HIVEP1: variants seen among roughly 807,000 people sequenced by gnomAD.
The protein encoded by HIVEP1 is zinc finger protein 40.
Under a neutral mutation model 180.0 loss-of-function variants are expected in HIVEP1, and 36 were observed. That is an observed-to-expected ratio of 0.20 (90% CI 0.15 to 0.26). The LOEUF is 0.26. HIVEP1 is among the 10% of genes least tolerant of loss of function. HIVEP1 has a pLI of 1.00. For missense variants in HIVEP1, 3,143 were observed against 3,268.7 expected (o/e 0.96, Z 0.94); for synonymous variants, 1,239 against 1,239.0 (o/e 1.00, Z 0.00).
At chr6:12,046,493 G>A (rs886896704) in intron 2 of HIVEP1, among the ~76,000 whole-genome samples, 1 of 152,116 alleles carries the variant, frequency 6.6e-6, no homozygotes, top group Admixed American at 6.5e-5. Flanking sequence ...AGAATCCTGG[G>A]TTGCTGGCCA....
intron 3 of HIVEP1, among the ~76,000 whole-genome samples, chr6:12,097,086 T>G (rs1002475679): frequency 6.6e-6 from 1 of 152,084 alleles, no homozygotes; most frequent in Non-Finnish European, 1.5e-5. Context: ...GAATGCAGTT[T>G]TATTATTTTA....
chr6:12,155,902 C>T (rs1450685488), intron 7 of HIVEP1, among the ~76,000 whole-genome samples: 1 of 152,146 alleles, frequency 6.6e-6, no homozygotes, highest in Non-Finnish European at 1.5e-5. Context: ...TCTCTGCAAC[C>T]TCTCCAGCAT....
chr6:12,093,042 A>AT (rs1036759440), intron 3 of HIVEP1, among the ~76,000 whole-genome samples: 11 of 152,096 alleles, frequency 7.2e-5, no homozygotes, highest in Non-Finnish European at 1.5e-4. Flanking sequence ...AAAAGTAGCT[A>AT]TTTTTTACAA....
At chr6:12,011,165 G>GC (rs1263492935), upstream of HIVEP1, among the ~76,000 whole-genome samples, 1 of 151,662 alleles carries the variant, frequency 6.6e-6, no homozygotes, top group East Asian at 1.9e-4. Context: ...CCAACACCCT[G>GC]CCCCCTCCGT....
chr6:12,041,853 T>A (rs112286083), intron 2 of HIVEP1, among the ~76,000 whole-genome samples: 50 of 47,008 alleles, frequency 1.1e-3, no homozygotes, highest in African/African-American at 4.6e-3. Flanking sequence ...TAGAAACGGG[T>A]TTTCACCGTG....
intron 8 of HIVEP1, among the ~76,000 whole-genome samples, chr6:12,162,875 A>G (rs1760492526): frequency 6.6e-6 from 1 of 152,182 alleles, no homozygotes; most frequent in Non-Finnish European, 1.5e-5. Flanking sequence ...CTTGAATCTC[A>G]ATTTCTCAGT....
At chr6:12,193,354 A>G in the HIVEP1 span, among the ~76,000 whole-genome samples, 2 of 152,208 alleles carry the variant, frequency 1.3e-5, no homozygotes, top group Non-Finnish European at 2.9e-5. Flanking sequence ...ATCACTGATA[A>G]TTTCTCTAGG....
the HIVEP1 span, among the ~76,000 whole-genome samples, chr6:12,190,387 C>G: frequency 2.0e-5 from 3 of 152,256 alleles, no homozygotes; most frequent in Non-Finnish European, 4.4e-5. Flanking sequence ...GGCTCATTCC[C>G]GTTTCTTAAA....
intron 2 of HIVEP1, among the ~76,000 whole-genome samples, chr6:12,088,518 C>G (rs898598372): frequency 3.3e-5 from 5 of 152,084 alleles, no homozygotes; most frequent in South Asian, 2.1e-4. Flanking sequence ...AGCCCCAGGT[C>G]AAAGAACAGC....
rs180777838 is a variant in HIVEP1 at position 12,077,171 on chromosome 6, A to G, written c.41-12013A>G. Reference sequence around the variant, plus strand: ...CTCAATTATAACTGGATTATGTAACAAAAATTCAGTTTTAAATCTGTGGTT... The same window carrying G: ...CTCAATTATAACTGGATTATGTAACGAAAATTCAGTTTTAAATCTGTGGTT... On this transcript the variant is annotated intron_variant, in intron 2 of 8. Transcript: ENST00000379388. 1.4e-3 allele frequency among the ~76,000 whole-genome samples: 218 copies of G among 152,294 alleles called. 1 individual carries two copies. Among genetic ancestry groups the G allele is most frequent in the African/African-American group, 4.9e-3 (205 of 41,578 alleles).
At position 12,123,031 on chromosome 6, in the gene HIVEP1, G is replaced by T; in HGVS notation, c.3236G>T (p.Ser1079Ile). Residue 1079 changes from serine (S) to isoleucine (I), a missense_variant, in exon 4 of 9, where the codon AGT becomes ATT. By Grantham distance (142) the Ser-to-Ile change is moderately radical. This residue lies in a region of HIVEP1 where 1,357 missense variants were observed against 1,260.5 expected (regional missense o/e 1.08). Transcript: ENST00000379388. ...CCTAAACATAATGTTACCATAAGAA[G>T]TGACCAGCAGCATAAAAATATACAG... The part of the protein sequence containing the change: ...SLPKHNVTIR[S>I]DQQHKNIQLQ... The T allele has an allele frequency of 6.2e-7, 1 of 1,614,148 alleles. No homozygotes were observed.
chr6:12,149,206 C>T (rs1394104901), intron 7 of HIVEP1, among the ~76,000 whole-genome samples: 2 of 152,160 alleles, frequency 1.3e-5, no homozygotes, highest in Non-Finnish European at 2.9e-5. Context: ...TATTTAAGAA[C>T]ATGCCTTATA....
At chr6:12,013,469 A>G (rs1014471558) in intron 1 of HIVEP1, among the ~76,000 whole-genome samples, 2 of 152,194 alleles carry the variant, frequency 1.3e-5, no homozygotes, top group African/African-American at 4.8e-5. Context: ...TATGGGATGG[A>G]CAGCTAGGGA....
At position 12,120,247 on chromosome 6, in the gene HIVEP1, C is replaced by A. The variant is rs756252106; in HGVS notation, c.452C>A (p.Ala151Asp). 1 of 1,614,186 alleles carries A rather than the reference C, an allele frequency of 6.2e-7. No homozygotes were observed. The highest frequency in any genetic ancestry group is 1.1e-5 in the South Asian group (1 of 91,086). The change falls in exon 4 of 9, where the codon GCT becomes GAT. Residue 151 changes from alanine to aspartate, a missense_variant. Transcript: ENST00000379388. Reference protein sequence around the residue: ...SELRRWRSEGADPAKFSDLDE... With the variant: ...SELRRWRSEGDDPAKFSDLDE... ...CTGCGTAGATGGAGATCCGAAGGCG[C>A]TGATCCTGCCAAATTCAGTGACCTC...
chr6:12,054,597 A>G (rs9885932), intron 2 of HIVEP1, among the ~76,000 whole-genome samples: 35,893 of 152,164 alleles, frequency 0.24, 4,508 homozygotes, highest in African/African-American at 0.34. Context: ...TTTCGGTGTC[A>G]TTAAAATTCC....
chr6:12,199,088 A>G, the HIVEP1 span, among the ~76,000 whole-genome samples: 5 of 152,220 alleles, frequency 3.3e-5, no homozygotes, highest in Non-Finnish European at 5.9e-5. Flanking sequence ...ATGACAAGAA[A>G]TGATTCCTGT....
intron 2 of HIVEP1, among the ~76,000 whole-genome samples, chr6:12,075,106 C>T (rs1772262547): frequency 6.6e-6 from 1 of 152,260 alleles, no homozygotes; most frequent in African/African-American, 2.4e-5. Context: ...CTGACTGCAG[C>T]AGTGACTTGT....
intron 2 of HIVEP1, among the ~76,000 whole-genome samples, chr6:12,051,675 C>T (rs554920373): frequency 4.0e-5 from 6 of 150,532 alleles, no homozygotes; most frequent in South Asian, 4.3e-4. Flanking sequence ...TTTTGTTTCT[C>T]GGGAAGGGAG....
chr6:12,190,478 G>C, the HIVEP1 span, among the ~76,000 whole-genome samples: 1 of 152,096 alleles, frequency 6.6e-6, no homozygotes, highest in Non-Finnish European at 1.5e-5. Context: ...GCACAAGTCA[G>C]TTTTGCCGCT....
Sources: gnomAD v4.1 joint callset for allele counts (sites outside exome capture counted in the v4.1 genomes callset) on GRCh38, gnomAD v4.1.1 for gene constraint, gnomAD v4.1.1 regional missense constraint, MANE v1.5 for transcripts, NCBI Gene and HGNC (gene_info 2026-07-23, HGNC 2026-07-21) for gene names.